The following PID1 variants were observed in gnomAD, a reference collection of about 807,000 sequenced individuals.
PID1 encodes the protein PTB-containing, cubilin and LRP1-interacting protein.
A neutral mutation model predicts 19.1 loss-of-function variants in PID1; 10 were observed. The ratio of observed to expected loss-of-function variants is 0.52; its 90% CI spans 0.32 to 0.89. The LOEUF is 0.89. Ranked by LOEUF, PID1 falls within the 40% of genes least tolerant of loss-of-function variation. PID1 has a pLI of 0.03. For synonymous variants in PID1, 130 were observed against 116.0 expected, an observed-to-expected ratio of 1.12 and a Z score of -0.78; for missense variants, 248 against 285.3, an observed-to-expected ratio of 0.87 and a Z score of 0.94.
intron 2 of PID1, among the ~76,000 whole-genome samples, chr2:229,035,767 T>G (rs1693650830): frequency 6.6e-6 from 1 of 152,132 alleles, no homozygotes; most frequent in South Asian, 2.1e-4. Flanking sequence ...CTCTGGCCAT[T>G]TCTTCAAATG....
chr2:229,168,700 T>G lies in PID1; in HGVS notation c.31-12736A>C, dbSNP rs1009501515. 1.5e-4 allele frequency among the ~76,000 whole-genome samples: 22 copies of G among 150,852 alleles called. No homozygotes were observed. In the Admixed American group the frequency reaches 1.5e-3, roughly 10 times the overall value. On this transcript the variant is annotated intron_variant, in intron 1 of 2. Transcript: ENST00000392055. ...GTCTGGTTCTATCAACAGCTTTTTC[T>G]CTTCACAATAATTTTTTTTCCTTGT...
At chr2:229,121,504 C>T (rs958566073) in intron 2 of PID1, among the ~76,000 whole-genome samples, 7 of 152,178 alleles carry the variant, frequency 4.6e-5, no homozygotes, top group African/African-American at 1.7e-4. Flanking sequence ...TGACTTGGGA[C>T]CTCAGTCTCC....
Position 229,232,805 on chromosome 2 carries a change from A to G in PID1, c.30+38209T>C, listed in dbSNP as rs985315044. On this transcript the variant is annotated intron_variant, in intron 1 of 2. Coordinates refer to ENST00000392055, the MANE Select transcript of PID1 (RefSeq NM_001100818.2). The stretch of plus-strand genomic sequence containing the variant: ...CACACATAAATATATATATATATAT[A>G]TATATATATATATATATATTTACAT... Among the ~76,000 whole-genome samples the G allele has an allele frequency of 8.2e-5, 12 of 146,152 alleles. 1 individual carries two copies. The highest frequency in any genetic ancestry group is 8.2e-4 in the Admixed American group (12 of 14,672).
intron 1 of PID1, among the ~76,000 whole-genome samples, chr2:229,240,862 T>C (rs1435244154): frequency 4.6e-5 from 7 of 152,164 alleles, no homozygotes; most frequent in Non-Finnish European, 1.0e-4. Context: ...TTATATTGCT[T>C]GATGTGTCCC....
At chr2:229,079,591 C>T (rs1694631141) in intron 2 of PID1, among the ~76,000 whole-genome samples, 1 of 152,210 alleles carries the variant, frequency 6.6e-6, no homozygotes, top group Non-Finnish European at 1.5e-5. Flanking sequence ...CTATGGCACT[C>T]AAGACGTGCC....
At chr2:229,192,454 T>C (rs1691281095) in intron 1 of PID1, among the ~76,000 whole-genome samples, 1 of 152,212 alleles carries the variant, frequency 6.6e-6, no homozygotes, top group African/African-American at 2.4e-5. Flanking sequence ...GTAACTGACT[T>C]TGTCCTACTT....
intron 1 of PID1, among the ~76,000 whole-genome samples, chr2:229,258,922 A>G (rs1325108649): frequency 6.6e-6 from 1 of 151,490 alleles, no homozygotes; most frequent in Non-Finnish European, 1.5e-5. Context: ...ACTTACCCCA[A>G]TCCCCTTTCA....
At chr2:229,075,898 T>C (rs1255212675) in intron 2 of PID1, among the ~76,000 whole-genome samples, 3 of 152,284 alleles carry the variant, frequency 2.0e-5, no homozygotes, top group African/African-American at 7.2e-5. Flanking sequence ...TCAGAATCTC[T>C]TCTTCAGGGT....
chr2:229,131,855 T>C (rs1454274513), intron 2 of PID1, among the ~76,000 whole-genome samples: 2 of 152,160 alleles, frequency 1.3e-5, no homozygotes, highest in Non-Finnish European at 2.9e-5. Flanking sequence ...TATTCATTTA[T>C]CTCAATATCA....
intron 1 of PID1, among the ~76,000 whole-genome samples, chr2:229,245,570 C>T (rs890011205): frequency 1.3e-5 from 2 of 152,166 alleles, no homozygotes. Context: ...AATTACAGTG[C>T]TGCTTACCAA....
chr2:229,206,268 A>C lies in PID1; in HGVS notation c.31-50304T>G, dbSNP rs993835434. 2.8e-4 allele frequency among the ~76,000 whole-genome samples: 42 copies of C among 151,712 alleles called. 3 individuals are homozygous for C. The highest frequency in any genetic ancestry group is 1.4e-3 in the Admixed American group (21 of 15,222). ...CCTAGTATAAGTACAAAAAAAAAAA[A>C]CCCCAAAGATCCTAGCAACTATCAA... On this transcript the variant is annotated intron_variant, in intron 1 of 2. Coordinates refer to ENST00000392055, the MANE Select transcript of PID1 (RefSeq NM_001100818.2).
intron 2 of PID1, among the ~76,000 whole-genome samples, chr2:229,029,765 G>A (rs754898517): frequency 1.4e-4 from 21 of 151,468 alleles, no homozygotes; most frequent in Admixed American, 2.6e-4. Context: ...GCTTGAAACC[G>A]GGAGGCAGAG....
At chr2:229,234,235 A>T (rs1692275775) in intron 1 of PID1, among the ~76,000 whole-genome samples, 1 of 152,338 alleles carries the variant, frequency 6.6e-6, no homozygotes, top group East Asian at 1.9e-4. Flanking sequence ...AAGATCAGCT[A>T]GACTTCAGGT....
intron 2 of PID1, among the ~76,000 whole-genome samples, chr2:229,056,674 T>G (rs1694109162): frequency 1.4e-5 from 1 of 73,474 alleles, no homozygotes; most frequent in Middle Eastern, 7.9e-3. Flanking sequence ...TTTTTTTCCC[T>G]CCCTTCCCAA....
intron 1 of PID1, among the ~76,000 whole-genome samples, chr2:229,241,682 C>T (rs915428180): frequency 6.6e-6 from 1 of 151,990 alleles, no homozygotes; most frequent in African/African-American, 2.4e-5. Context: ...TATTTTCCCC[C>T]ATATGGTCAG....
In PID1 at chr2:229,216,683, T is replaced by C. The variant is rs559132277; in HGVS notation, c.30+54331A>G. Among the ~76,000 whole-genome samples the C allele has an allele frequency of 2.1e-3, 312 of 152,178 alleles. 2 individuals are homozygous for C. The highest frequency in any genetic ancestry group is 6.5e-3 in the African/African-American group (271 of 41,538). On this transcript the variant is annotated intron_variant, in intron 1 of 2. Coordinates refer to ENST00000392055, the MANE Select transcript of PID1 (RefSeq NM_001100818.2). ...ACAAAGTATTTCTTAAATATGCTTC[T>C]CATATGAGGAGGAAATAAACCAGAA...
intron 2 of PID1, among the ~76,000 whole-genome samples, chr2:229,072,283 G>T (rs1331447141): frequency 1.3e-5 from 2 of 152,108 alleles, no homozygotes; most frequent in Non-Finnish European, 2.9e-5. Context: ...ATATCAGGAG[G>T]TATGCTAATT....
chr2:229,090,805 T>C (rs1694857022), intron 2 of PID1, among the ~76,000 whole-genome samples: 1 of 152,204 alleles, frequency 6.6e-6, no homozygotes, highest in South Asian at 2.1e-4. Flanking sequence ...ACACATATAA[T>C]TATTTATTGA....
intron 2 of PID1, among the ~76,000 whole-genome samples, chr2:229,151,571 C>CTT (rs1176333725): frequency 1.5e-4 from 22 of 142,162 alleles, no homozygotes; most frequent in Admixed American, 3.5e-4. Context: ...ACTTCTATTT[C>CTT]TTTTTTTTTT....
Sources: gnomAD v4.1 joint callset for allele counts (sites outside exome capture counted in the v4.1 genomes callset) on GRCh38, gnomAD v4.1.1 for gene constraint, MANE v1.5 for transcripts, NCBI Gene and HGNC (gene_info 2026-07-23, HGNC 2026-07-21) for gene names.